The following SIPA1 variants were observed in gnomAD, a reference collection of about 807,000 sequenced individuals.
The protein encoded by SIPA1 is signal-induced proliferation-associated protein 1.
A neutral mutation model predicts 88.1 loss-of-function variants in SIPA1; 51 were observed. The ratio of observed to expected loss-of-function variants is 0.58; its 90% CI spans 0.46 to 0.73. SIPA1 has a LOEUF of 0.73. Ranked by LOEUF, SIPA1 falls within the 30% of genes least tolerant of loss-of-function variation. SIPA1 has a pLI of 0.00. For synonymous variants in SIPA1, 681 were observed against 664.8 expected (o/e 1.02, Z -0.37); for missense variants, 1,348 against 1,467.6 (o/e 0.92, Z 1.33).
Position 65,649,994 on chromosome 11 carries a change from G to A in SIPA1, c.2791G>A (p.Ala931Thr). The A allele has an allele frequency of 6.2e-7, 1 of 1,613,942 alleles. No individual in the cohort carries two copies. Among genetic ancestry groups the A allele is most frequent in the South Asian group, 1.1e-5 (1 of 91,068 alleles). ...GSGTLEDEWQ[A>T]ISEIASTCNT... is the part of the protein sequence containing the mutation. The stretch of plus-strand genomic sequence containing the variant: ...TGGGACCCTGGAGGACGAGTGGCAG[G>A]CCATCTCGGAGATTGCCTCTACTTG... The change falls in exon 13 of 16, where the codon GCC becomes ACC. Residue 931 changes from alanine (A) to threonine (T), a missense_variant. Ala to Thr is a moderately conservative substitution (Grantham distance 58). This residue lies in a region of SIPA1 where 615 missense variants were observed against 559.8 expected (regional missense o/e 1.10). Transcript: ENST00000534313.
At position 65,645,936 on chromosome 11, in the gene SIPA1, C is replaced by T. The variant is rs772984724; in HGVS notation, c.1242C>T (p.Tyr414=). ...IMFHVSTMLP[Y]TPNNQQQLLR... is the part of the protein sequence containing the mutation. The stretch of plus-strand genomic sequence containing the variant: ...TCCACGTGTCCACGATGCTGCCTTA[C>T]ACCCCTAATAACCAGCAGCAGGTGT... Residue 414 remains tyrosine (Y), a synonymous_variant, in exon 6 of 16, where the codon TAC becomes TAT. Transcript: ENST00000534313. 1.6e-5 allele frequency: 26 copies of T among 1,612,740 alleles called. No individual in the cohort carries two copies. The highest frequency in any genetic ancestry group is 2.5e-6 in the Non-Finnish European group (3 of 1,179,274).
rs1856003384 is a variant in SIPA1 at position 65,641,484 on chromosome 11, C to T, written c.563C>T (p.Ala188Val). 6.2e-6 allele frequency: 10 copies of T among 1,612,176 alleles called. No individual in the cohort carries two copies. Among genetic ancestry groups the T allele is most frequent in the Non-Finnish European group, 7.6e-6 (9 of 1,180,000 alleles). ...GGPASPPVPPALPNAAVSILE... is the reference protein window; with the variant it reads ...GGPASPPVPPVLPNAAVSILE... Reference sequence around the variant, plus strand: ...CCAGCATCCCCACCTGTGCCCCCTGCACTGCCCAACGCGGCCGTGTCCATC... The same window carrying T: ...CCAGCATCCCCACCTGTGCCCCCTGTACTGCCCAACGCGGCCGTGTCCATC... Residue 188 changes from alanine to valine, a missense_variant, in exon 2 of 16, where the codon GCA (alanine) becomes GTA (valine). Transcript: ENST00000534313.
chr11:65,638,902 A>G (rs1378964676), intron 1 of SIPA1, among the ~76,000 whole-genome samples: 2 of 152,130 alleles, frequency 1.3e-5, no homozygotes, highest in African/African-American at 2.4e-5. Context: ...TCAGCCCACA[A>G]GGAGCGGGGC....
At chr11:65,639,323 G>A (rs1361534957) in intron 1 of SIPA1, 1 of 152,218 alleles carries the variant, frequency 6.6e-6, no homozygotes, top group East Asian at 1.9e-4. Context: ...TAGCTAGGCT[G>A]GTCTTGAACT....
chr11:65,649,669 C>T lies in SIPA1; in HGVS notation c.2634C>T (p.Thr878=). 1.9e-6 allele frequency: 3 copies of T among 1,614,080 alleles called. No individual in the cohort carries two copies. Among genetic ancestry groups the T allele is most frequent in the Non-Finnish European group, 2.5e-6 (3 of 1,180,036 alleles). The change falls in exon 11 of 16, where the codon ACC becomes ACT. Residue 878 remains threonine, a synonymous_variant. Coordinates refer to ENST00000534313, the MANE Select transcript of SIPA1 (RefSeq NM_006747.4). ...VPSADSETPL[T]QDRPGSPSGS... is the part of the protein sequence containing the mutation. ...GTGCTGACAGTGAGACACCCCTGACCCAGGTGAGCAGAAACCAGGCTCTGG... is the reference window on the plus strand; with the variant it reads ...GTGCTGACAGTGAGACACCCCTGACTCAGGTGAGCAGAAACCAGGCTCTGG...
At chr11:65,638,677 T>C (rs568241319) in intron 1 of SIPA1, among the ~76,000 whole-genome samples, 77 of 152,222 alleles carry the variant, frequency 5.1e-4, no homozygotes, top group Non-Finnish European at 9.3e-4. Context: ...TCCGGATCTG[T>C]GGGGGCGGGG....
At chr11:65,648,018 T>C (rs1856170994) in intron 9 of SIPA1, among the ~76,000 whole-genome samples, 1 of 152,038 alleles carries the variant, frequency 6.6e-6, no homozygotes, top group Non-Finnish European at 1.5e-5. Flanking sequence ...ATTACAGGCA[T>C]GCACCACCAC....
rs987104912 is a variant in SIPA1, at chr11:65,642,115, G to A, written c.680-135G>A. 8.0e-7 allele frequency: 1 copy of A among 1,251,584 alleles called. No homozygotes were observed. Among genetic ancestry groups the A allele is most frequent in the Non-Finnish European group, 1.1e-6 (1 of 905,386 alleles). The allele number at this position is 1,251,584 out of a possible 1,614,324, so 77.5% of individuals were successfully genotyped here. On this transcript the variant is annotated intron_variant, in intron 2 of 15. Coordinates refer to ENST00000534313, the MANE Select transcript of SIPA1 (RefSeq NM_006747.4). This position sits in a 1 kb window ranked among gnomAD's most constrained non-coding sequence, Gnocchi z 6.5. ...AGATATTGAGCTCGGGGCTACAGAGGGGCGGGACTTAGTCTAGGGTCAACA... is the reference window on the plus strand; with the variant it reads ...AGATATTGAGCTCGGGGCTACAGAGAGGCGGGACTTAGTCTAGGGTCAACA...
In SIPA1 at chr11:65,646,196, C is replaced by T. The variant is rs374168702; in HGVS notation, c.1264-25C>T. 9.3e-6 allele frequency: 15 copies of T among 1,611,090 alleles called. No individual in the cohort carries two copies. Among genetic ancestry groups the T allele is most frequent in the Middle Eastern group, 1.6e-4 (1 of 6,074 alleles). On this transcript the variant is annotated intron_variant, in intron 6 of 15. Coordinates refer to ENST00000534313, the MANE Select transcript of SIPA1 (RefSeq NM_006747.4). This position sits in a 1 kb window ranked among gnomAD's most constrained non-coding sequence, Gnocchi z 7.5. ...GTTTGGGGCACAGAAGACCTCATCA[C>T]GAGCCCCTACTATCCAACCCCTAGC... is the stretch of plus-strand genomic sequence containing the variant.
Position 65,646,519 on chromosome 11 carries a change from C to A in SIPA1, c.1485C>A (p.Gly495=), listed in dbSNP as rs1265967499. 1 of 1,571,280 alleles carries A rather than the reference C, an allele frequency of 6.4e-7. No individual in the cohort carries two copies. The highest frequency in any genetic ancestry group is 1.1e-5 in the South Asian group (1 of 87,924). The change falls in exon 8 of 16, where the codon GGC becomes GGA. Residue 495 remains glycine, a synonymous_variant. Coordinates refer to ENST00000534313, the MANE Select transcript of SIPA1 (RefSeq NM_006747.4). This position sits in a 1 kb window ranked among gnomAD's most constrained non-coding sequence, Gnocchi z 7.5. The part of the protein sequence containing the change: ...AFGPALPAGG[G]PFAANADFRA... ...GGCCAGCTCTGCCTGCTGGCGGAGGCCCCTTCGCAGCCAACGCCGACTTCC... is the reference window on the plus strand; with the variant it reads ...GGCCAGCTCTGCCTGCTGGCGGAGGACCCTTCGCAGCCAACGCCGACTTCC...
At position 65,646,024 on chromosome 11, in the gene SIPA1, C is replaced by T. The variant is rs986360541; in HGVS notation, c.1263+67C>T. 8.1e-6 allele frequency: 11 copies of T among 1,360,684 alleles called. No individual in the cohort carries two copies. In the Admixed American group the frequency reaches 1.2e-4, roughly 14 times the overall value. The allele number at this position is 1,360,684 out of a possible 1,614,324, so 84.3% of individuals were successfully genotyped here. ...ATGGAGGGCCCTGCATGGCCCATGACGTTTGAGCTTTGGCCGGAGCTCTGT... is the reference window on the plus strand; with the variant it reads ...ATGGAGGGCCCTGCATGGCCCATGATGTTTGAGCTTTGGCCGGAGCTCTGT... On this transcript the variant is annotated intron_variant, in intron 6 of 15. Coordinates refer to ENST00000534313, the MANE Select transcript of SIPA1 (RefSeq NM_006747.4). The surrounding 1 kb of genome is among the most constrained non-coding windows in gnomAD (Gnocchi z 7.5).
In SIPA1 at chr11:65,640,896, C is replaced by G. The variant is rs781752485; in HGVS notation, c.-26C>G. ...ACCCGTGCCCGCCAATGCGGCCCAG[C>G]CCCCGGAGAGTCAGGCCCACAGAGC... On this transcript the variant is annotated 5_prime_UTR_variant, in exon 2 of 16. Transcript: ENST00000534313. The G allele has an allele frequency of 6.2e-6, 9 of 1,460,746 alleles. No individual in the cohort carries two copies. The African/African-American group carries it at 1.1e-4, about 19-fold the overall frequency. The allele number at this position is 1,460,746 out of a possible 1,614,324, so 90.5% of individuals were successfully genotyped here. A position where few individuals can be genotyped will look rare whatever the true frequency, so the allele number is the denominator to read the frequency against.
intron 1 of SIPA1, among the ~76,000 whole-genome samples, chr11:65,639,566 C>A (rs571212770): frequency 6.6e-6 from 1 of 152,102 alleles, no homozygotes; most frequent in Non-Finnish European, 1.5e-5. Context: ...TCCTCCACCC[C>A]CCTCCGGCCC....
rs771835692 is a variant in SIPA1, at chr11:65,649,884, G to C, written c.2746+19G>C. ...AGCAGGAGTGAGTCTGGACCCAGGAGAGCAGGGGAGGGGTTGGGGGGTGCT... is the reference window on the plus strand; with the variant it reads ...AGCAGGAGTGAGTCTGGACCCAGGACAGCAGGGGAGGGGTTGGGGGGTGCT... On this transcript the variant is annotated intron_variant, in intron 12 of 15. Coordinates refer to ENST00000534313, the MANE Select transcript of SIPA1 (RefSeq NM_006747.4). The C allele has an allele frequency of 1.2e-6, 2 of 1,613,822 alleles. No individual in the cohort carries two copies. The highest frequency in any genetic ancestry group is 1.7e-6 in the Non-Finnish European group (2 of 1,179,792).
intron 14 of SIPA1, 61 bp downstream of exon 14, chr11:65,650,253 G>A (rs1447682832): frequency 1.3e-6 from 2 of 1,580,872 alleles, no homozygotes; most frequent in South Asian, 1.1e-5. Context: ...CTTCGTGCCT[G>A]TCTGCTGGGG....
chr11:65,638,963 C>T (rs762492381), intron 1 of SIPA1, among the ~76,000 whole-genome samples: 7 of 152,224 alleles, frequency 4.6e-5, no homozygotes, highest in Non-Finnish European at 7.3e-5. Flanking sequence ...ACACTATAGC[C>T]CAGGCCCGAG....
chr11:65,645,712 T>G, intron 5 of SIPA1, 142 bp from the exon 6 acceptor site: 1 of 583,006 alleles, frequency 1.7e-6, no homozygotes, highest in Non-Finnish European at 3.1e-6. Flanking sequence ...TCTCGCTGGC[T>G]GGGCATTGGC....
chr11:65,648,489 A>G (rs964895777), intron 9 of SIPA1, among the ~76,000 whole-genome samples: 1 of 152,222 alleles, frequency 6.6e-6, no homozygotes, highest in Non-Finnish European at 1.5e-5. Context: ...TGGATTTTAC[A>G]TGATTTTAAC....
In SIPA1 at chr11:65,646,627, C is replaced by T. The variant is rs1590922817; in HGVS notation, c.1593C>T (p.Thr531=). ...AGTTCCACGCCATGGCCACGCGCAC[C>T]CGCCAGCAGTACCTGCAAGACCTGG... The part of the protein sequence containing the change: ...ARQFHAMATR[T]RQQYLQDLAT... Residue 531 remains threonine (T), a synonymous_variant, in exon 8 of 16, where the codon ACC becomes ACT. Coordinates refer to ENST00000534313, the MANE Select transcript of SIPA1 (RefSeq NM_006747.4). This position sits in a 1 kb window ranked among gnomAD's most constrained non-coding sequence, Gnocchi z 7.5. The T allele has an allele frequency of 1.3e-6, 2 of 1,548,238 alleles. No homozygotes were observed. The highest frequency in any genetic ancestry group is 2.7e-5 in the African/African-American group (2 of 73,402).
Sources: gnomAD v4.1 joint callset for allele counts (sites outside exome capture counted in the v4.1 genomes callset) on GRCh38, gnomAD v4.1.1 for gene constraint, gnomAD v4.1.1 regional missense constraint, Gnocchi (gnomAD v3.1) non-coding constraint, MANE v1.5 for transcripts, NCBI Gene and HGNC (gene_info 2026-07-23, HGNC 2026-07-21) for gene names.